The following ATP6V1H variants were observed in gnomAD, a reference collection of about 807,000 sequenced individuals.
ATP6V1H encodes the protein V-type proton ATPase subunit H.
Under a neutral mutation model 71.7 loss-of-function variants are expected in ATP6V1H, and 39 were observed. That is an observed-to-expected ratio of 0.54 (90% CI 0.42 to 0.71). ATP6V1H has a LOEUF of 0.71. ATP6V1H is among the 30% of genes least tolerant of loss of function. The pLI is 0.00. For synonymous variants in ATP6V1H, 192 were observed against 199.3 expected, an observed-to-expected ratio of 0.96 and a Z score of 0.31; for missense variants, 509 against 594.9, an observed-to-expected ratio of 0.86 and a Z score of 1.50.
intron 6 of ATP6V1H, among the ~76,000 whole-genome samples, 188 bp from the exon 7 acceptor site, chr8:53,811,405 A>G (rs1396813397): frequency 6.6e-6 from 1 of 152,216 alleles, no homozygotes; most frequent in Non-Finnish European, 1.5e-5. Context: ...ATATCGTTAC[A>G]TTCTTCCAGA....
chr8:53,820,925 G>C (rs1249440421), intron 4 of ATP6V1H, among the ~76,000 whole-genome samples: 2 of 149,810 alleles, frequency 1.3e-5, no homozygotes, highest in Admixed American at 6.7e-5. Context: ...AGGTTGCAGT[G>C]AGCCAAGACT....
chr8:53,793,591 G>A (rs771751930), intron 9 of ATP6V1H, among the ~76,000 whole-genome samples: 4 of 151,996 alleles, frequency 2.6e-5, no homozygotes, highest in Non-Finnish European at 5.9e-5. Context: ...GTTGCAGTAA[G>A]CTATGATCAC....
At chr8:53,824,158 T>C (rs1199159343) in intron 4 of ATP6V1H, among the ~76,000 whole-genome samples, 2 of 152,108 alleles carry the variant, frequency 1.3e-5, no homozygotes, top group Non-Finnish European at 2.9e-5. Flanking sequence ...AAAATACAGA[T>C]TACCAAAATT....
chr8:53,736,012 G>A (rs921163112), intron 13 of ATP6V1H, among the ~76,000 whole-genome samples: 7 of 152,310 alleles, frequency 4.6e-5, no homozygotes, highest in East Asian at 1.9e-4. Context: ...TCACACACCA[G>A]AAGCTGACTA....
rs138571046 is a variant in ATP6V1H, at chr8:53,812,098, C to T, written c.526-881G>A. On this transcript the variant is annotated intron_variant, in intron 6 of 13. Transcript: ENST00000359530. ...CACAAATAATTGTTACTTTTTAAAA[C>T]GAAGAGTCTGAATTTTAATCATGAT... is the stretch of plus-strand genomic sequence containing the variant. 2.3e-3 allele frequency among the ~76,000 whole-genome samples: 348 copies of T among 152,086 alleles called. 2 individuals are homozygous for T. The highest frequency in any genetic ancestry group is 7.9e-3 in the African/African-American group (327 of 41,472).
chr8:53,734,453 C>A (rs1807127913), intron 13 of ATP6V1H, among the ~76,000 whole-genome samples: 1 of 152,140 alleles, frequency 6.6e-6, no homozygotes, highest in African/African-American at 2.4e-5. Flanking sequence ...GGTACTTCAG[C>A]CCAGAAGGAT....
At chr8:53,769,951 C>T (rs182449666) in intron 10 of ATP6V1H, among the ~76,000 whole-genome samples, 2 of 151,926 alleles carry the variant, frequency 1.3e-5, no homozygotes, top group East Asian at 3.9e-4. Context: ...AAGGTCCAAC[C>T]CTCCTGTCAA....
At chr8:53,818,579 T>C (rs1470859293) in intron 4 of ATP6V1H, among the ~76,000 whole-genome samples, 1 of 152,226 alleles carries the variant, frequency 6.6e-6, no homozygotes, top group Non-Finnish European at 1.5e-5. Flanking sequence ...AAAATTCAGA[T>C]GAGCCATCAT....
At chr8:53,835,610 T>A (rs1180026504) in intron 2 of ATP6V1H, among the ~76,000 whole-genome samples, 3 of 152,258 alleles carry the variant, frequency 2.0e-5, no homozygotes, top group Non-Finnish European at 4.4e-5. Flanking sequence ...CACTATTCTG[T>A]CTTCTTACAT....
At chr8:53,772,531 G>C (rs1173619121) in intron 9 of ATP6V1H, among the ~76,000 whole-genome samples, 2 of 152,032 alleles carry the variant, frequency 1.3e-5, no homozygotes, top group African/African-American at 2.4e-5. Flanking sequence ...TACTAAGAGA[G>C]AGTGTTTCTT....
chr8:53,768,740 G>A (rs913600472), intron 11 of ATP6V1H, among the ~76,000 whole-genome samples: 8 of 152,228 alleles, frequency 5.3e-5, no homozygotes, highest in South Asian at 2.1e-4. Context: ...CAGGCAAATC[G>A]AGATATTGGT....
At chr8:53,821,051 C>A (rs1167059094) in intron 4 of ATP6V1H, among the ~76,000 whole-genome samples, 2 of 140,476 alleles carry the variant, frequency 1.4e-5, no homozygotes, top group Non-Finnish European at 3.1e-5. Context: ...ATAAAACAAA[C>A]AAACTGCATC....
intron 13 of ATP6V1H, among the ~76,000 whole-genome samples, chr8:53,719,086 C>CATTAAAA: frequency 6.6e-6 from 1 of 152,190 alleles, no homozygotes; most frequent in Admixed American, 6.5e-5. Context: ...ACTGTGGCTC[C>CATTAAAA]ACTGAAAAGG....
chr8:53,808,658 T>C (rs1202522596), intron 7 of ATP6V1H, among the ~76,000 whole-genome samples: 1 of 151,986 alleles, frequency 6.6e-6, no homozygotes, highest in African/African-American at 2.4e-5. Flanking sequence ...TAGTCCCAGC[T>C]ACTGGTGGGA....
chr8:53,745,024 A>G (rs1807550313), intron 12 of ATP6V1H, among the ~76,000 whole-genome samples: 1 of 152,150 alleles, frequency 6.6e-6, no homozygotes, highest in Non-Finnish European at 1.5e-5. Flanking sequence ...TTCTCACTGT[A>G]GTCAAAGGAA....
intron 7 of ATP6V1H, among the ~76,000 whole-genome samples, chr8:53,807,459 TC>T (rs1306615896): frequency 2.0e-5 from 3 of 151,648 alleles, no homozygotes; most frequent in African/African-American, 7.3e-5. Context: ...AAAAACTAAG[TC>T]CTTTTTCCTC....
intron 12 of ATP6V1H, among the ~76,000 whole-genome samples, chr8:53,750,724 G>A (rs185601878): frequency 3.3e-5 from 5 of 152,146 alleles, no homozygotes; most frequent in East Asian, 1.9e-4. Flanking sequence ...CTTCATTCCT[G>A]AGAAACTTGT....
chr8:53,755,461 A>T (rs1807973736), intron 12 of ATP6V1H, among the ~76,000 whole-genome samples: 1 of 144,720 alleles, frequency 6.9e-6, no homozygotes, highest in Non-Finnish European at 1.5e-5. Flanking sequence ...GAGACTTGGC[A>T]AGCACTAACC....
At chr8:53,737,856 T>C (rs936642364) in intron 13 of ATP6V1H, among the ~76,000 whole-genome samples, 3 of 152,150 alleles carry the variant, frequency 2.0e-5, no homozygotes, top group South Asian at 2.1e-4. Flanking sequence ...CTTAAGACAA[T>C]AGGCTGATAC....
Sources: gnomAD v4.1 joint callset for allele counts (sites outside exome capture counted in the v4.1 genomes callset) on GRCh38, gnomAD v4.1.1 for gene constraint, MANE v1.5 for transcripts, NCBI Gene and HGNC (gene_info 2026-07-23, HGNC 2026-07-21) for gene names.